The following PRKG1 variants were observed in gnomAD, a reference collection of about 807,000 sequenced individuals.
PRKG1 encodes the protein protein kinase cGMP-dependent 1, also known as cGMP-dependent protein kinase 1.
In PRKG1, 35 loss-of-function variants were observed where a neutral mutation model predicts 88.1. The ratio of observed to expected loss-of-function variants is 0.40; its 90% CI spans 0.30 to 0.53. PRKG1 has a LOEUF of 0.53. Ranked by LOEUF, PRKG1 falls within the 20% of genes least tolerant of loss-of-function variation. The probability of loss-of-function intolerance (pLI) is 0.59; values close to 1 mark genes in which losing one functional copy is unlikely to be tolerated. For synonymous variants in PRKG1, 303 were observed against 292.5 expected (o/e 1.04, Z -0.37); for missense variants, 540 against 839.8 (o/e 0.64, Z 4.41).
chr10:51,125,479 G>C (rs1030533403), intron 1 of PRKG1, among the ~76,000 whole-genome samples: 6 of 150,502 alleles, frequency 4.0e-5, no homozygotes, highest in African/African-American at 1.2e-4. Context: ...CCTGAGGTTA[G>C]GAGTTCAAGC....
intron 2 of PRKG1, among the ~76,000 whole-genome samples, chr10:51,184,802 A>G (rs1186891920): frequency 6.6e-6 from 1 of 152,162 alleles, no homozygotes; most frequent in African/African-American, 2.4e-5. Context: ...TTGAACGTCA[A>G]CAAGAAAGGA....
At chr10:51,306,336 A>G (rs946169563) in intron 2 of PRKG1, among the ~76,000 whole-genome samples, 1 of 152,142 alleles carries the variant, frequency 6.6e-6, no homozygotes, top group African/African-American at 2.4e-5. Flanking sequence ...AGAATTCAAG[A>G]GTGAGATTTG....
chr10:52,086,781 A>G (rs1373655066), intron 7 of PRKG1, among the ~76,000 whole-genome samples: 1 of 152,202 alleles, frequency 6.6e-6, no homozygotes, highest in Admixed American at 6.6e-5. Flanking sequence ...CACTGCAAAT[A>G]AATACATACC....
At chr10:51,949,377 C>G (rs1280184586) in intron 5 of PRKG1, among the ~76,000 whole-genome samples, 1 of 151,850 alleles carries the variant, frequency 6.6e-6, no homozygotes, top group Non-Finnish European at 1.5e-5. Context: ...CTTTGGGAGG[C>G]CAAGGCAGGA....
chr10:51,919,109 T>C lies in PRKG1; in HGVS notation c.762+11539T>C, dbSNP rs147463124. 6.2e-3 allele frequency among the ~76,000 whole-genome samples: 951 copies of C among 152,258 alleles called. 6 individuals are homozygous for C. The highest frequency in any genetic ancestry group is 0.01 in the Middle Eastern group (3 of 294). On this transcript the variant is annotated intron_variant, in intron 5 of 17. Transcript: ENST00000373980. ...TTCAGTTCCAGGCCTCCCCAAGACC[T>C]TTGACTACAGAGTACTTCTCTGAAT...
chr10:51,560,369 C>T (rs968237343), intron 3 of PRKG1, among the ~76,000 whole-genome samples: 1 of 152,094 alleles, frequency 6.6e-6, no homozygotes, highest in Non-Finnish European at 1.5e-5. Flanking sequence ...AAAAAGTAAA[C>T]TTGATTTAAT....
intron 2 of PRKG1, among the ~76,000 whole-genome samples, chr10:51,190,749 G>A (rs182833945): frequency 6.0e-4 from 91 of 151,984 alleles, no homozygotes; most frequent in African/African-American, 2.2e-3. Context: ...TTGAATATGA[G>A]TTTTGCCACT....
chr10:51,267,094 C>T (rs749598611), intron 2 of PRKG1, among the ~76,000 whole-genome samples: 20 of 151,982 alleles, frequency 1.3e-4, no homozygotes, highest in African/African-American at 4.4e-4. Flanking sequence ...CTGTTGCTGC[C>T]GACATGAAAC....
At chr10:51,696,478 T>G (rs527339517) in intron 3 of PRKG1, 1 of 151,910 alleles carries the variant, frequency 6.6e-6, no homozygotes, top group African/African-American at 2.4e-5. Flanking sequence ...TAAAGACTAT[T>G]GAGAAATAGG....
chr10:52,171,580 A>G (rs1408583784), intron 9 of PRKG1, among the ~76,000 whole-genome samples: 1 of 152,130 alleles, frequency 6.6e-6, no homozygotes, highest in African/African-American at 2.4e-5. Flanking sequence ...AGTACATGTA[A>G]TCAGACTAGG....
chr10:51,414,458 T>G (rs1322015151), intron 2 of PRKG1, among the ~76,000 whole-genome samples: 1 of 152,208 alleles, frequency 6.6e-6, no homozygotes, highest in Non-Finnish European at 1.5e-5. Context: ...ATCTGAGACA[T>G]TCTGAGACAT....
intron 4 of PRKG1, among the ~76,000 whole-genome samples, chr10:51,810,331 G>A (rs1334198736): frequency 6.6e-6 from 1 of 152,064 alleles, no homozygotes; most frequent in Non-Finnish European, 1.5e-5. Flanking sequence ...TAACCAGAAG[G>A]GTAAATCTTT....
intron 5 of PRKG1, among the ~76,000 whole-genome samples, chr10:51,948,959 CT>C (rs2133048548): frequency 1.3e-5 from 2 of 152,266 alleles, no homozygotes; most frequent in East Asian, 3.9e-4. Flanking sequence ...TTGAATACCT[CT>C]CCCAATTATA....
intron 7 of PRKG1, among the ~76,000 whole-genome samples, chr10:52,104,656 C>T (rs1466764730): frequency 6.6e-6 from 1 of 152,138 alleles, no homozygotes; most frequent in African/African-American, 2.4e-5. Context: ...TATAAATAAT[C>T]TTTCCAAGCC....
At chr10:51,384,630 G>A (rs1347647430) in intron 2 of PRKG1, among the ~76,000 whole-genome samples, 2 of 151,900 alleles carry the variant, frequency 1.3e-5, no homozygotes, top group Non-Finnish European at 2.9e-5. Flanking sequence ...TATTTTTATC[G>A]TGAATCCCTC....
chr10:51,810,690 A>T (rs1839431329), intron 4 of PRKG1, among the ~76,000 whole-genome samples: 1 of 149,580 alleles, frequency 6.7e-6, no homozygotes, highest in Non-Finnish European at 1.5e-5. Flanking sequence ...ATGTATTATG[A>T]ATGTAAGTGA....
chr10:51,723,223 C>A (rs1842054854), intron 3 of PRKG1, among the ~76,000 whole-genome samples: 1 of 152,068 alleles, frequency 6.6e-6, no homozygotes. Context: ...GGAATCAACC[C>A]AAATGCCCAT....
intron 3 of PRKG1, among the ~76,000 whole-genome samples, chr10:51,606,412 G>T (rs1346665185): frequency 6.6e-6 from 1 of 152,090 alleles, no homozygotes; most frequent in Non-Finnish European, 1.5e-5. Flanking sequence ...GTTTTCCTTT[G>T]CTATAGAAAT....
intron 3 of PRKG1, among the ~76,000 whole-genome samples, chr10:51,734,171 T>G (rs953143694): frequency 6.6e-6 from 1 of 152,166 alleles, no homozygotes; most frequent in African/African-American, 2.4e-5. Context: ...ACTGATAAAT[T>G]GTCAACATTC....
Sources: gnomAD v4.1 joint callset for allele counts (sites outside exome capture counted in the v4.1 genomes callset) on GRCh38, gnomAD v4.1.1 for gene constraint, MANE v1.5 for transcripts, NCBI Gene and HGNC (gene_info 2026-07-23, HGNC 2026-07-21) for gene names.